RNLS: variants seen among roughly 807,000 people sequenced by gnomAD.
The protein encoded by RNLS is renalase.
In RNLS, 39 loss-of-function variants were observed where a neutral mutation model predicts 39.8. That is an observed-to-expected ratio of 0.98 (90% CI 0.76 to 1.28). The LOEUF is 1.28. Ranked by LOEUF, RNLS falls within the 50% of genes most tolerant of loss-of-function variation. The pLI, the probability that RNLS is intolerant of heterozygous loss-of-function variation, is 0.00. For synonymous variants in RNLS, 147 were observed against 150.7 expected (o/e 0.98, Z 0.18); for missense variants, 410 against 413.3 (o/e 0.99, Z 0.07).
At chr10:88,203,250 G>A in the RNLS span, among the ~76,000 whole-genome samples, 52 of 23,102 alleles carry the variant, frequency 2.3e-3, 4 homozygotes, top group African/African-American at 9.8e-3. Flanking sequence ...GTGTGTGTGT[G>A]TGTGTGTGTG....
intron 3 of RNLS, among the ~76,000 whole-genome samples, chr10:88,574,945 C>T (rs1850075303): frequency 6.6e-6 from 1 of 151,760 alleles, no homozygotes; most frequent in African/African-American, 2.4e-5. Context: ...CAGACCTCAG[C>T]TAAGTTAACT....
chr10:88,509,085 T>C (rs917318349), intron 4 of RNLS, among the ~76,000 whole-genome samples: 3 of 152,154 alleles, frequency 2.0e-5, no homozygotes, highest in Admixed American at 2.0e-4. Flanking sequence ...TGAATGGAAT[T>C]CCTCTGTGGC....
chr10:88,460,038 G>A (rs1470070436), intron 4 of RNLS, among the ~76,000 whole-genome samples: 1 of 152,186 alleles, frequency 6.6e-6, no homozygotes, highest in African/African-American at 2.4e-5. Context: ...TCAGCATGGT[G>A]TTAAGCAGTT....
chr10:88,509,001 C>G (rs1845943568), intron 4 of RNLS, among the ~76,000 whole-genome samples: 1 of 147,066 alleles, frequency 6.8e-6, no homozygotes, highest in Non-Finnish European at 1.5e-5. Context: ...AAGACATTCA[C>G]TTTTGGTGGG....
rs184277042 is a variant in RNLS, at chr10:88,355,848, G to A, written c.700+6704C>T. Among the ~76,000 whole-genome samples the A allele has an allele frequency of 1.9e-3, 286 of 152,300 alleles. 1 individual carries two copies. Among genetic ancestry groups the A allele is most frequent in the Non-Finnish European group, 3.0e-3 (206 of 68,014 alleles). ...AGGCAGGCAGGCCTCCTTGAGCTGC[G>A]GTGGGCTCCACCCAGTTCGAGCTTC... is the stretch of plus-strand genomic sequence containing the variant. On this transcript the variant is annotated intron_variant, in intron 5 of 6. Transcript: ENST00000331772.
the RNLS span, among the ~76,000 whole-genome samples, chr10:88,229,675 C>T: frequency 1.6e-4 from 24 of 152,278 alleles, no homozygotes; most frequent in African/African-American, 5.5e-4. Context: ...CCTTGCTCCC[C>T]TCTCTCCCCA....
intron 4 of RNLS, among the ~76,000 whole-genome samples, chr10:88,498,169 T>C (rs142930821): frequency 6.6e-6 from 1 of 151,984 alleles, no homozygotes; most frequent in African/African-American, 2.4e-5. Flanking sequence ...CAAGTGATCA[T>C]CACCAGTTAA....
At chr10:88,240,124 A>G in the RNLS span, among the ~76,000 whole-genome samples, 1 of 152,236 alleles carries the variant, frequency 6.6e-6, no homozygotes, top group Admixed American at 6.5e-5. Flanking sequence ...ACTTTTATCA[A>G]TAACATTGCC....
intron 4 of RNLS, among the ~76,000 whole-genome samples, chr10:88,400,098 T>C (rs1852818696): frequency 6.6e-6 from 1 of 152,040 alleles, no homozygotes; most frequent in Non-Finnish European, 1.5e-5. Context: ...AGGGCCCACC[T>C]GGATGATCCA....
At chr10:88,521,807 T>G (rs777764353) in intron 4 of RNLS, among the ~76,000 whole-genome samples, 2 of 151,866 alleles carry the variant, frequency 1.3e-5, no homozygotes, top group African/African-American at 4.8e-5. Context: ...ACAGAGAGAA[T>G]AGAACACCAA....
intron 4 of RNLS, among the ~76,000 whole-genome samples, chr10:88,392,832 T>C (rs1316558417): frequency 6.6e-6 from 1 of 152,142 alleles, no homozygotes; most frequent in Non-Finnish European, 1.5e-5. Flanking sequence ...AAAAAGCTTA[T>C]CCACCATGAT....
chr10:88,373,137 G>A (rs1440532312), intron 4 of RNLS, among the ~76,000 whole-genome samples: 3 of 151,804 alleles, frequency 2.0e-5, no homozygotes, highest in Non-Finnish European at 4.4e-5. Flanking sequence ...TTTATTACAT[G>A]TCACCTCATA....
chr10:88,220,700 C>T, the RNLS span, among the ~76,000 whole-genome samples: 166 of 152,286 alleles, frequency 1.1e-3, no homozygotes, highest in African/African-American at 3.9e-3. Context: ...CTCGCTCCTG[C>T]CCTAGTATTG....
At chr10:88,357,855 T>C (rs1849308797) in intron 5 of RNLS, among the ~76,000 whole-genome samples, 1 of 152,288 alleles carries the variant, frequency 6.6e-6, no homozygotes, top group South Asian at 2.1e-4. Context: ...CCTGATGAAG[T>C]TGGCAGAGTC....
chr10:88,442,620 G>A (rs914198309), intron 4 of RNLS, among the ~76,000 whole-genome samples: 3 of 151,798 alleles, frequency 2.0e-5, no homozygotes, highest in Admixed American at 6.6e-5. Context: ...CTCACCCCTG[G>A]ATTTTGTGCC....
At chr10:88,499,047 T>G (rs1274054064) in intron 4 of RNLS, among the ~76,000 whole-genome samples, 1 of 152,174 alleles carries the variant, frequency 6.6e-6, no homozygotes, top group Admixed American at 6.6e-5. Context: ...GGAATTATTA[T>G]AATTTTTCTC....
At chr10:88,276,337 A>G (rs935893587) in intron 6 of RNLS, among the ~76,000 whole-genome samples, 1 of 152,072 alleles carries the variant, frequency 6.6e-6, no homozygotes, top group Non-Finnish European at 1.5e-5. Flanking sequence ...AATTTCTAGA[A>G]CTTCTTTTGC....
At chr10:88,260,594 C>T in the RNLS span, among the ~76,000 whole-genome samples, 1 of 152,192 alleles carries the variant, frequency 6.6e-6, no homozygotes, top group East Asian at 1.9e-4. Flanking sequence ...TCTGACTTCA[C>T]GAACAGCATC....
At chr10:88,443,188 T>G (rs1453114038) in intron 4 of RNLS, among the ~76,000 whole-genome samples, 1 of 152,228 alleles carries the variant, frequency 6.6e-6, no homozygotes, top group African/African-American at 2.4e-5. Flanking sequence ...CCTTTTAATT[T>G]GGGATTTTCC....
Sources: allele counts gnomAD v4.1 joint callset (sites outside exome capture counted in the v4.1 genomes callset), GRCh38; gene constraint gnomAD v4.1.1; transcripts MANE v1.5; gene names NCBI Gene and HGNC (gene_info 2026-07-23, HGNC 2026-07-21).